The following TRPS1 variants were observed in gnomAD, a reference collection of about 807,000 sequenced individuals.
TRPS1 encodes the protein zinc finger transcription factor Trps1.
TRPS1 carries 6 observed loss-of-function variants against 101.2 expected under a neutral mutation model. The ratio of observed to expected loss-of-function variants is 0.06; its 90% CI spans 0.03 to 0.12. The LOEUF (loss-of-function observed/expected upper bound fraction) is 0.12, where lower values mean the gene tolerates loss of function less well. Among genes scored for constraint, TRPS1 ranks in the 10% least tolerant of loss-of-function variants. The pLI, the probability that TRPS1 is intolerant of heterozygous loss-of-function variation, is 1.00. For missense variants in TRPS1, 1,363 were observed against 1,567.0 expected (o/e 0.87, Z 2.20); for synonymous variants, 578 against 589.8 (o/e 0.98, Z 0.29).
At chr8:115,420,165 G>A (rs997949425) in intron 5 of TRPS1, among the ~76,000 whole-genome samples, 2 of 151,978 alleles carry the variant, frequency 1.3e-5, no homozygotes, top group Admixed American at 6.6e-5. Context: ...CCCCCCACCC[G>A]ACTCTGGACC....
chr8:115,505,966 T>C (rs1815433496), intron 5 of TRPS1, among the ~76,000 whole-genome samples: 1 of 152,014 alleles, frequency 6.6e-6, no homozygotes, highest in African/African-American at 2.4e-5. Flanking sequence ...TTCAAAACTA[T>C]AATGGCTTTG....
At chr8:115,456,285 G>A (rs1478549796) in intron 5 of TRPS1, among the ~76,000 whole-genome samples, 2 of 152,044 alleles carry the variant, frequency 1.3e-5, no homozygotes, top group Admixed American at 6.6e-5. Context: ...CCTATTCTAT[G>A]TTACGTGACC....
chr8:115,475,781 A>G (rs1463778230), intron 5 of TRPS1, among the ~76,000 whole-genome samples: 1 of 152,132 alleles, frequency 6.6e-6, no homozygotes, highest in Non-Finnish European at 1.5e-5. Flanking sequence ...ATTACAAAAC[A>G]AAAGTAGTCT....
At chr8:115,572,254 T>A (rs1817221114) in intron 5 of TRPS1, among the ~76,000 whole-genome samples, 1 of 152,134 alleles carries the variant, frequency 6.6e-6, no homozygotes, top group Non-Finnish European at 1.5e-5. Context: ...TCATTTTTTT[T>A]AACATAGATT....
At chr8:115,663,130 G>C (rs2130633300) in intron 1 of TRPS1, among the ~76,000 whole-genome samples, 1 of 152,178 alleles carries the variant, frequency 6.6e-6, no homozygotes. Context: ...AGAGCAATTG[G>C]AGAAATCCAG....
chr8:115,524,863 G>A (rs1815956427), intron 5 of TRPS1, among the ~76,000 whole-genome samples: 1 of 152,066 alleles, frequency 6.6e-6, no homozygotes, highest in South Asian at 2.1e-4. Context: ...CAATACCAGT[G>A]ATCAAAGTTG....
intron 5 of TRPS1, among the ~76,000 whole-genome samples, chr8:115,559,621 T>A (rs1052330691): frequency 6.6e-6 from 1 of 152,154 alleles, no homozygotes; most frequent in African/African-American, 2.4e-5. Context: ...GTTTATTGAA[T>A]GTGTGAATGA....
At chr8:115,426,967 A>G (rs919817569) in intron 5 of TRPS1, among the ~76,000 whole-genome samples, 3 of 152,118 alleles carry the variant, frequency 2.0e-5, no homozygotes, top group African/African-American at 7.2e-5. Context: ...ATATGACAGG[A>G]TCATATTCTA....
chr8:115,560,778 G>A (rs1157573907), intron 5 of TRPS1, among the ~76,000 whole-genome samples: 2 of 152,026 alleles, frequency 1.3e-5, no homozygotes, highest in East Asian at 3.9e-4. Flanking sequence ...AACAAGTAAC[G>A]ATTTTTCACT....
At chr8:115,491,170 T>A (rs1203486963) in intron 5 of TRPS1, among the ~76,000 whole-genome samples, 1 of 152,204 alleles carries the variant, frequency 6.6e-6, no homozygotes, top group East Asian at 1.9e-4. Context: ...CGATTCCAAT[T>A]TCCCTCTTTT....
chr8:115,559,950 A>G (rs1483780324), intron 5 of TRPS1, among the ~76,000 whole-genome samples: 11 of 152,076 alleles, frequency 7.2e-5, no homozygotes, highest in Admixed American at 7.2e-4. Context: ...ATAAATGTAT[A>G]CATTTCAAAT....
At chr8:115,501,689 G>C (rs1815323859) in intron 5 of TRPS1, among the ~76,000 whole-genome samples, 1 of 152,116 alleles carries the variant, frequency 6.6e-6, no homozygotes, top group Non-Finnish European at 1.5e-5. Flanking sequence ...TTTGTAAATA[G>C]TACAGCTTTT....
At chr8:115,445,657 A>G (rs1451533461) in intron 5 of TRPS1, among the ~76,000 whole-genome samples, 1 of 152,122 alleles carries the variant, frequency 6.6e-6, no homozygotes, top group Admixed American at 6.6e-5. Context: ...GAATTAAATG[A>G]CTCAATATAT....
intron 1 of TRPS1, among the ~76,000 whole-genome samples, chr8:115,644,355 C>A (rs980445684): frequency 1.3e-5 from 2 of 152,194 alleles, no homozygotes; most frequent in African/African-American, 4.8e-5. Flanking sequence ...TCACCTTGTA[C>A]TTTTATGTTA....
chr8:115,498,415 C>CTCTCTCTA lies in TRPS1; in HGVS notation c.2701-79964_2701-79963insTAGAGAGA, dbSNP rs1486361297. On this transcript the variant is annotated intron_variant, in intron 5 of 6. Coordinates refer to ENST00000395715, the MANE Select transcript of TRPS1 (RefSeq NM_014112.5). ...TCTCTCTCTCTCTCTCTCTCTCTCT[C>CTCTCTCTA]TATATATATATATATATATATATAT... Among the ~76,000 whole-genome samples, 20 of 39,306 alleles carry CTCTCTCTA rather than the reference C, an allele frequency of 5.1e-4. 1 individual carries two copies. The highest frequency in any genetic ancestry group is 6.6e-4 in the African/African-American group (6 of 9,148). The allele number at this position is 39,306 out of a possible 152,430, so 25.8% of individuals were successfully genotyped here. A position where few individuals can be genotyped will look rare whatever the true frequency, so the allele number is the denominator to read the frequency against.
intron 6 of TRPS1, among the ~76,000 whole-genome samples, chr8:115,415,623 G>A (rs1379298032): frequency 6.6e-6 from 1 of 152,128 alleles, no homozygotes; most frequent in Non-Finnish European, 1.5e-5. Context: ...AGGTTGTTAA[G>A]GGTGGGGCCC....
rs148440238 is a variant in TRPS1 at position 115,633,576 on chromosome 8, G to C, written c.-121-9818C>G. Among the ~76,000 whole-genome samples the C allele has an allele frequency of 7.9e-5, 12 of 152,304 alleles. No homozygotes were observed. The East Asian group carries it at 2.1e-3, about 27-fold the overall frequency. On this transcript the variant is annotated intron_variant, in intron 1 of 6. Coordinates refer to ENST00000395715, the MANE Select transcript of TRPS1 (RefSeq NM_014112.5). ...CCCAGTTGGTTTTCACCAAAAGCCT[G>C]ATAGTTATTTAGTAGTCCTATTTCA...
At chr8:115,643,530 G>A (rs1818950215) in intron 1 of TRPS1, among the ~76,000 whole-genome samples, 1 of 152,154 alleles carries the variant, frequency 6.6e-6, no homozygotes, top group South Asian at 2.1e-4. Flanking sequence ...TTTATCAGGA[G>A]ATTGCAGCAA....
chr8:115,550,510 A>G (rs1816678565), intron 5 of TRPS1, among the ~76,000 whole-genome samples: 1 of 152,210 alleles, frequency 6.6e-6, no homozygotes, highest in Non-Finnish European at 1.5e-5. Flanking sequence ...AATGACAATT[A>G]ATGCAAATTC....
Sources: gnomAD v4.1 joint callset for allele counts (sites outside exome capture counted in the v4.1 genomes callset) on GRCh38, gnomAD v4.1.1 for gene constraint, MANE v1.5 for transcripts, NCBI Gene and HGNC (gene_info 2026-07-23, HGNC 2026-07-21) for gene names.